The following PATJ variants were observed in gnomAD, a reference collection of about 807,000 sequenced individuals.
The protein encoded by PATJ is PATJ crumbs cell polarity complex component.
PATJ carries 190 observed loss-of-function variants against 224.9 expected under a neutral mutation model. The ratio of observed to expected loss-of-function variants is 0.84; its 90% CI spans 0.75 to 0.95. PATJ has a LOEUF of 0.95. Ranked by LOEUF, PATJ falls within the 40% of genes least tolerant of loss-of-function variation. The pLI is 0.00. For missense variants in PATJ, 2,121 were observed against 2,270.3 expected (o/e 0.93, Z 1.34); for synonymous variants, 769 against 820.3 (o/e 0.94, Z 1.07).
At chr1:62,016,921 A>G (rs1224735802) in intron 28 of PATJ, among the ~76,000 whole-genome samples, 2 of 152,224 alleles carry the variant, frequency 1.3e-5, no homozygotes, top group African/African-American at 4.8e-5. Flanking sequence ...AACATTTTTA[A>G]GGAATCTGGG....
intron 30 of PATJ, among the ~76,000 whole-genome samples, chr1:62,040,804 GT>G (rs144261956): frequency 0.21 from 31,582 of 152,042 alleles, 3,619 homozygotes; most frequent in Non-Finnish European, 0.26. Flanking sequence ...CTGATACATA[GT>G]TTTTAAAGGA....
chr1:61,790,281 A>C (rs917810304), intron 8 of PATJ, among the ~76,000 whole-genome samples: 1 of 151,782 alleles, frequency 6.6e-6, no homozygotes, highest in African/African-American at 2.4e-5. Flanking sequence ...ACTGAACAAT[A>C]ATTAGTCTTA....
chr1:62,146,486 T>C (rs576744282), intron 41 of PATJ, among the ~76,000 whole-genome samples: 1 of 152,156 alleles, frequency 6.6e-6, no homozygotes, highest in South Asian at 2.1e-4. Context: ...GAAAAACGAA[T>C]AGAATTTTAC....
intron 16 of PATJ, among the ~76,000 whole-genome samples, chr1:61,832,889 T>G (rs1001930221): frequency 3.3e-5 from 5 of 152,180 alleles, no homozygotes; most frequent in Non-Finnish European, 5.9e-5. Flanking sequence ...GTAGATTCAT[T>G]GACCCTCTCA....
At chr1:62,160,821 C>T (rs1307893190) in intron 43 of PATJ, 87 bp from the exon 44 acceptor site, 4 of 1,416,414 alleles carry the variant, frequency 2.8e-6, no homozygotes, top group South Asian at 1.3e-5. Flanking sequence ...TTAATATGCA[C>T]ACCAGACAGA....
intron 5 of PATJ, 141 bp downstream of exon 5, chr1:61,769,563 C>A: frequency 2.2e-6 from 2 of 910,662 alleles, no homozygotes; most frequent in Non-Finnish European, 3.3e-6. Context: ...ATGCATTTGT[C>A]AGGCCTTTTG....
rs774421082 is a variant in PATJ at position 61,899,661 on chromosome 1, G to A, written c.3203+7G>A. 1.9e-6 allele frequency: 3 copies of A among 1,595,662 alleles called. No individual in the cohort carries two copies. Among genetic ancestry groups the A allele is most frequent in the Non-Finnish European group, 2.6e-6 (3 of 1,169,338 alleles). On this transcript the variant is annotated splice_region_variant and intron_variant, in intron 23 of 43. Coordinates refer to ENST00000642238, the MANE Select transcript of PATJ (RefSeq NM_001350145.3). ...ACTGGGGTCCACCGAGAATGTATGT[G>A]GATGACATTATTGTGGCTTTCTCAA...
intron 20 of PATJ, among the ~76,000 whole-genome samples, chr1:61,867,001 G>A (rs1406625266): frequency 2.6e-5 from 4 of 152,168 alleles, no homozygotes; most frequent in African/African-American, 4.8e-5. Flanking sequence ...CAGTGAGGAC[G>A]ACCAGAGGTC....
chr1:61,996,219 C>T (rs1394725927), intron 28 of PATJ, among the ~76,000 whole-genome samples: 1 of 152,148 alleles, frequency 6.6e-6, no homozygotes, highest in African/African-American at 2.4e-5. Flanking sequence ...CAGGTAATCT[C>T]AGATCTCAGT....
chr1:62,049,243 T>TCACACACACACACACACA (rs60099928), intron 30 of PATJ, among the ~76,000 whole-genome samples: 12 of 137,276 alleles, frequency 8.7e-5, no homozygotes, highest in African/African-American at 2.8e-4. Context: ...AAGTAAGCAA[T>TCACACACACACACACACA]CACACACACA....
intron 41 of PATJ, 79 bp from the exon 42 acceptor site, chr1:62,148,205 C>T (rs1668263526): frequency 2.4e-6 from 2 of 827,388 alleles, no homozygotes. Flanking sequence ...GGATTGAGAA[C>T]TGACCCTTGG....
At chr1:61,785,979 G>C (rs1416404848) in intron 7 of PATJ, among the ~76,000 whole-genome samples, 1 of 151,982 alleles carries the variant, frequency 6.6e-6, no homozygotes, top group Non-Finnish European at 1.5e-5. Context: ...ATAACATTAT[G>C]TATCTTTTCT....
At chr1:61,849,816 AAAAC>A (rs1321815934) in intron 17 of PATJ, among the ~76,000 whole-genome samples, 4 of 152,334 alleles carry the variant, frequency 2.6e-5, no homozygotes, top group East Asian at 1.9e-4. Flanking sequence ...AAATTTTTTA[AAAAC>A]AAACAAACCC....
At chr1:61,983,557 C>T (rs1463529622) in intron 27 of PATJ, among the ~76,000 whole-genome samples, 1 of 152,014 alleles carries the variant, frequency 6.6e-6, no homozygotes, top group Non-Finnish European at 1.5e-5. Context: ...CTGTCTAAAG[C>T]TTTTAGATTT....
chr1:61,784,972 T>G (rs1648197778), intron 7 of PATJ, among the ~76,000 whole-genome samples: 1 of 152,240 alleles, frequency 6.6e-6, no homozygotes, highest in African/African-American at 2.4e-5. Context: ...CAGTCCCTTC[T>G]AGTGGCTTCT....
At chr1:61,963,208 C>T (rs1310390347) in intron 27 of PATJ, among the ~76,000 whole-genome samples, 1 of 152,182 alleles carries the variant, frequency 6.6e-6, no homozygotes, top group African/African-American at 2.4e-5. Flanking sequence ...CTACTCTTGG[C>T]TTTACCAATA....
intron 27 of PATJ, among the ~76,000 whole-genome samples, chr1:61,942,695 C>A (rs932676645): frequency 3.9e-5 from 6 of 151,946 alleles, no homozygotes; most frequent in Non-Finnish European, 8.8e-5. Flanking sequence ...GGATTACAGG[C>A]ACCCACCACC....
chr1:61,801,912 T>C, intron 12 of PATJ, 143 bp downstream of exon 12: 1 of 521,584 alleles, frequency 1.9e-6, no homozygotes, highest in Non-Finnish European at 3.2e-6. Context: ...ACTTTTTTTT[T>C]GAGACAGAGT....
chr1:62,009,424 A>C (rs1646295017), intron 28 of PATJ, among the ~76,000 whole-genome samples: 1 of 152,186 alleles, frequency 6.6e-6, no homozygotes, highest in Non-Finnish European at 1.5e-5. Flanking sequence ...ATTAATTTTA[A>C]AATAATTTAT....
Sources: allele counts gnomAD v4.1 joint callset (sites outside exome capture counted in the v4.1 genomes callset), GRCh38; gene constraint gnomAD v4.1.1; transcripts MANE v1.5; gene names NCBI Gene and HGNC (gene_info 2026-07-23, HGNC 2026-07-21).